LAPTM4B: variants seen among roughly 807,000 people sequenced by gnomAD.
LAPTM4B encodes the protein lysosomal protein transmembrane 4 beta.
LAPTM4B carries 26 observed loss-of-function variants against 28.5 expected under a neutral mutation model. The ratio of observed to expected loss-of-function variants is 0.91; its 90% CI spans 0.67 to 1.27. The LOEUF is 1.27. LAPTM4B is among the 50% of genes most tolerant of loss of function. LAPTM4B has a pLI of 0.00. For missense variants in LAPTM4B, 288 were observed against 285.8 expected, an observed-to-expected ratio of 1.01 and a Z score of -0.06; for synonymous variants, 109 against 106.4, an observed-to-expected ratio of 1.02 and a Z score of -0.15.
rs763122475 is a variant in LAPTM4B, at chr8:97,815,389, C to A, written c.273C>A (p.Tyr91Ter). ...TCCTGATATGTGCTATGGCTACTTA[C>A]GGAGCGTACAAGGTAAGCCGCTTGC... is the stretch of plus-strand genomic sequence containing the variant. ...LMILICAMAT[Y>*]GAYKQRAAWI... The change falls in exon 3 of 7, where the codon TAC (tyrosine) becomes TAA (stop). Residue 91 changes from tyrosine (Y) to a stop codon, truncating the protein, a stop_gained. Coordinates refer to ENST00000521545, the MANE Select transcript of LAPTM4B (RefSeq NM_018407.6). LOFTEE classifies it high-confidence loss of function. 6.2e-6 allele frequency: 10 copies of A among 1,613,324 alleles called. No homozygotes were observed. Among genetic ancestry groups the A allele is most frequent in the Non-Finnish European group, 8.5e-6 (10 of 1,179,322 alleles).
chr8:97,838,020 C>T (rs535029004), intron 6 of LAPTM4B, among the ~76,000 whole-genome samples: 1 of 152,042 alleles, frequency 6.6e-6, no homozygotes, highest in Non-Finnish European at 1.5e-5. Context: ...GGTAAAATTG[C>T]AAATAAGCTG....
chr8:97,818,991 GAGTC>G, intron 4 of LAPTM4B, 145 bp from the exon 5 acceptor site: 1 of 586,094 alleles, frequency 1.7e-6, no homozygotes, highest in Non-Finnish European at 3.0e-6. Flanking sequence ...TAAGAGGGCA[GAGTC>G]AGGCTAGAAA....
chr8:97,827,363 C>T (rs1489679698), intron 6 of LAPTM4B, among the ~76,000 whole-genome samples: 1 of 152,170 alleles, frequency 6.6e-6, no homozygotes, highest in African/African-American at 2.4e-5. Flanking sequence ...CTGAAGCTTC[C>T]TTAGGGATAG....
Position 97,815,325 on chromosome 8 carries a change from C to T in LAPTM4B, c.212-3C>T. 6.2e-7 allele frequency: 1 copy of T among 1,612,622 alleles called. No individual in the cohort carries two copies. Among genetic ancestry groups the T allele is most frequent in the South Asian group, 1.1e-5 (1 of 91,056 alleles). ...AAAGAAATTCTTTTTAATCTTTCGG[C>T]AGACATGTGCATTGCCATTGCGATT... On this transcript the variant is annotated splice_region_variant and splice_polypyrimidine_tract_variant and intron_variant, in intron 2 of 6. Coordinates refer to ENST00000521545, the MANE Select transcript of LAPTM4B (RefSeq NM_018407.6).
chr8:97,814,808 C>T (rs1253782367), intron 2 of LAPTM4B, among the ~76,000 whole-genome samples: 1 of 152,176 alleles, frequency 6.6e-6, no homozygotes, highest in African/African-American at 2.4e-5. Flanking sequence ...ATTCTTCTGC[C>T]TCAGCCTCCC....
chr8:97,816,388 C>T (rs573024672), intron 4 of LAPTM4B, among the ~76,000 whole-genome samples: 1 of 151,940 alleles, frequency 6.6e-6, no homozygotes, highest in South Asian at 2.1e-4. Context: ...GATCTCGGCT[C>T]ACTGCAACCT....
At chr8:97,848,636 G>A (rs1817467645) in intron 6 of LAPTM4B, among the ~76,000 whole-genome samples, 1 of 152,196 alleles carries the variant, frequency 6.6e-6, no homozygotes, top group African/African-American at 2.4e-5. Flanking sequence ...CCTGGGCAAC[G>A]TGGCAAGACC....
chr8:97,852,132 G>A lies in LAPTM4B; in HGVS notation c.*658G>A, dbSNP rs1817533904. 6.5e-6 allele frequency: 1 copy of A among 152,960 alleles called. No individual in the cohort carries two copies. The highest frequency in any genetic ancestry group is 6.5e-5 in the Admixed American group (1 of 15,374). 9.5% of individuals were successfully genotyped at this position (152,960 alleles called of 1,614,324 possible). The stretch of plus-strand genomic sequence containing the variant: ...TGTGGATCTTGTGTCCAGGGACATG[G>A]GGTGACATGCCTCGTATGTGTTAGA... On this transcript the variant is annotated 3_prime_UTR_variant, in exon 7 of 7. Transcript: ENST00000521545.
intron 5 of LAPTM4B, among the ~76,000 whole-genome samples, chr8:97,820,098 A>G (rs1816980718): frequency 6.6e-6 from 1 of 152,064 alleles, no homozygotes; most frequent in Non-Finnish European, 1.5e-5. Flanking sequence ...TGTCAAATTG[A>G]TGTCCCCCAA....
intron 6 of LAPTM4B, among the ~76,000 whole-genome samples, chr8:97,849,362 G>A (rs1036052861): frequency 2.6e-5 from 4 of 152,230 alleles, no homozygotes; most frequent in African/African-American, 9.6e-5. Flanking sequence ...GGTTCAAGTC[G>A]CTGTGACTGA....
intron 1 of LAPTM4B, among the ~76,000 whole-genome samples, chr8:97,794,916 T>A (rs1276662408): frequency 2.6e-5 from 4 of 152,048 alleles, no homozygotes; most frequent in African/African-American, 9.7e-5. Context: ...TTGACCATGT[T>A]GTGCAGGTTG....
At chr8:97,793,337 T>A (rs958521709) in intron 1 of LAPTM4B, among the ~76,000 whole-genome samples, 14 of 152,188 alleles carry the variant, frequency 9.2e-5, no homozygotes, top group Non-Finnish European at 1.3e-4. Context: ...GTCTTTTTTT[T>A]AAACCATTTT....
intron 6 of LAPTM4B, among the ~76,000 whole-genome samples, chr8:97,830,962 A>G (rs1446540317): frequency 5.3e-5 from 8 of 152,308 alleles, no homozygotes; most frequent in East Asian, 1.9e-4. Context: ...GTGCGGCCAT[A>G]TAGGAGATCA....
chr8:97,830,607 A>G (rs1207790465), intron 6 of LAPTM4B, among the ~76,000 whole-genome samples: 1 of 152,106 alleles, frequency 6.6e-6, no homozygotes, highest in Admixed American at 6.5e-5. Flanking sequence ...GGGGGAGAGT[A>G]CTTGCGACTT....
At chr8:97,806,979 C>T (rs1366074419) in intron 2 of LAPTM4B, among the ~76,000 whole-genome samples, 4 of 152,128 alleles carry the variant, frequency 2.6e-5, no homozygotes, top group African/African-American at 9.7e-5. Context: ...CTTGTCACCG[C>T]CATGTAAGAA....
At chr8:97,848,438 C>A (rs1481772180) in intron 6 of LAPTM4B, among the ~76,000 whole-genome samples, 1 of 142,686 alleles carries the variant, frequency 7.0e-6, no homozygotes, top group Non-Finnish European at 1.5e-5. Context: ...TGTTAATCTT[C>A]TGTGAACATT....
intron 6 of LAPTM4B, among the ~76,000 whole-genome samples, chr8:97,840,812 G>T (rs959585555): frequency 7.0e-6 from 1 of 142,616 alleles, no homozygotes; most frequent in Non-Finnish European, 1.5e-5. Flanking sequence ...GGGCAGAGGC[G>T]CTCCTCACTT....
chr8:97,803,341 C>T lies in LAPTM4B; in HGVS notation c.100-2012C>T, dbSNP rs1239227286. Among the ~76,000 whole-genome samples, 3 of 151,858 alleles carry T rather than the reference C, an allele frequency of 2.0e-5. No individual in the cohort carries two copies. In the East Asian group the frequency reaches 5.8e-4, roughly 30 times the overall value. On this transcript the variant is annotated intron_variant, in intron 1 of 6. Coordinates refer to ENST00000521545, the MANE Select transcript of LAPTM4B (RefSeq NM_018407.6). Reference sequence around the variant, plus strand: ...TCACCCAGGCTGGAGGGCAGTGGCACGATCTCAGCTCACTGGAACCTCTGC... The same window carrying T: ...TCACCCAGGCTGGAGGGCAGTGGCATGATCTCAGCTCACTGGAACCTCTGC...
chr8:97,780,859 G>A lies in LAPTM4B; in HGVS notation c.99+4751G>A, dbSNP rs190991282. ...CTGAAGTAAAGTATATTGACTTCAGGTATTTATTATTATTATTACTATTTT... is the reference window on the plus strand; with the variant it reads ...CTGAAGTAAAGTATATTGACTTCAGATATTTATTATTATTATTACTATTTT... On this transcript the variant is annotated intron_variant, in intron 1 of 6. Transcript: ENST00000521545. Among the ~76,000 whole-genome samples the A allele has an allele frequency of 2.8e-3, 426 of 152,080 alleles. 4 individuals carry two copies. Among genetic ancestry groups the A allele is most frequent in the African/African-American group, 9.6e-3 (399 of 41,484 alleles).
Sources: gnomAD v4.1 joint callset for allele counts (sites outside exome capture counted in the v4.1 genomes callset) on GRCh38, gnomAD v4.1.1 for gene constraint, MANE v1.5 for transcripts, NCBI Gene and HGNC (gene_info 2026-07-23, HGNC 2026-07-21) for gene names.